The following SWT1 variants were observed in gnomAD, a reference collection of about 807,000 sequenced individuals.
SWT1 encodes the protein transcriptional protein SWT1.
A neutral mutation model predicts 107.3 loss-of-function variants in SWT1; 33 were observed. That is an observed-to-expected ratio of 0.31 (90% CI 0.23 to 0.41). SWT1 has a LOEUF of 0.41. SWT1 is among the 10% of genes least tolerant of loss of function. SWT1 has a pLI of 1.00. For synonymous variants in SWT1, 345 were observed against 348.3 expected, an observed-to-expected ratio of 0.99 and a Z score of 0.11; for missense variants, 898 against 1,028.9, an observed-to-expected ratio of 0.87 and a Z score of 1.74.
At chr1:185,284,465 A>G (rs145817917) in intron 18 of SWT1, among the ~76,000 whole-genome samples, 68 of 152,346 alleles carry the variant, frequency 4.5e-4, no homozygotes, top group African/African-American at 1.6e-3. Context: ...ACCTAAAAGG[A>G]AGAGTTGAGG....
intron 16 of SWT1, among the ~76,000 whole-genome samples, chr1:185,251,635 T>A (rs892715527): frequency 3.3e-5 from 5 of 152,132 alleles, no homozygotes; most frequent in African/African-American, 1.2e-4. Context: ...GTTTGTTTTG[T>A]CATATATTAA....
chr1:185,190,916 T>C (rs1656897919), intron 10 of SWT1, among the ~76,000 whole-genome samples: 1 of 152,150 alleles, frequency 6.6e-6, no homozygotes, highest in South Asian at 2.1e-4. Context: ...CCCTCCAAAA[T>C]TGTTTAAAAA....
intron 4 of SWT1, among the ~76,000 whole-genome samples, chr1:185,170,399 A>G (rs1654946522): frequency 6.6e-6 from 1 of 152,214 alleles, no homozygotes; most frequent in South Asian, 2.1e-4. Flanking sequence ...CACTGTTTGT[A>G]CAATGACTTC....
chr1:185,217,555 T>C (rs1659315510), intron 14 of SWT1, among the ~76,000 whole-genome samples: 1 of 152,052 alleles, frequency 6.6e-6, no homozygotes, highest in Non-Finnish European at 1.5e-5. Flanking sequence ...TTCTACATTA[T>C]GGTGAGTTGT....
At chr1:185,256,450 T>G (rs1287264105) in intron 16 of SWT1, among the ~76,000 whole-genome samples, 1 of 151,642 alleles carries the variant, frequency 6.6e-6, no homozygotes, top group Non-Finnish European at 1.5e-5. Flanking sequence ...TTTCACATAG[T>G]CCCATATTTC....
intron 15 of SWT1, among the ~76,000 whole-genome samples, chr1:185,229,092 C>T (rs1011555754): frequency 2.6e-5 from 4 of 151,940 alleles, no homozygotes; most frequent in Non-Finnish European, 5.9e-5. Context: ...ATCAGGCCTG[C>T]GTTTTAAAAA....
At chr1:185,178,087 T>G (rs1655716350) in intron 5 of SWT1, among the ~76,000 whole-genome samples, 1 of 152,176 alleles carries the variant, frequency 6.6e-6, no homozygotes, top group Admixed American at 6.5e-5. Context: ...GGTGTGATGT[T>G]AGTATAAATC....
chr1:185,226,901 C>G (rs1055874262), intron 15 of SWT1: 4 of 1,319,986 alleles, frequency 3.0e-6, no homozygotes, highest in Non-Finnish European at 4.2e-6. Context: ...TGGGACAGTT[C>G]CACCTCTTCT....
At chr1:185,195,000 TTTATTA>T (rs1020989114) in intron 10 of SWT1, among the ~76,000 whole-genome samples, 1 of 151,922 alleles carries the variant, frequency 6.6e-6, no homozygotes, top group African/African-American at 2.4e-5. Context: ...TAACTTTCTT[TTTATTA>T]TTATTATTAT....
At chr1:185,203,412 A>G (rs1270958749) in intron 11 of SWT1, among the ~76,000 whole-genome samples, 1 of 152,050 alleles carries the variant, frequency 6.6e-6, no homozygotes, top group Non-Finnish European at 1.5e-5. Context: ...TCACCTGAGG[A>G]GTTCGAGACC....
chr1:185,217,335 A>G (rs1659297859), intron 14 of SWT1, among the ~76,000 whole-genome samples: 2 of 152,226 alleles, frequency 1.3e-5, no homozygotes. Flanking sequence ...CTGTATTTAC[A>G]GTTGCTCCCC....
intron 15 of SWT1, among the ~76,000 whole-genome samples, chr1:185,225,640 G>T (rs191953101): frequency 6.6e-6 from 1 of 152,186 alleles, no homozygotes; most frequent in Admixed American, 6.5e-5. Context: ...GTAATATCCT[G>T]TACAGATTTG....
chr1:185,257,070 G>T lies in SWT1; in HGVS notation c.2442-14253G>T, dbSNP rs547186719. Among the ~76,000 whole-genome samples, 11 of 152,204 alleles carry T rather than the reference G, an allele frequency of 7.2e-5. No individual in the cohort carries two copies. In the South Asian group the frequency reaches 2.3e-3, roughly 32 times the overall value. On this transcript the variant is annotated intron_variant, in intron 16 of 18. Transcript: ENST00000367500. ...AGGTGTCAGTGTGCCCCTGCTGGGG[G>T]GTGCCTCCCAGTTAGGCTGCTCGGG...
Position 185,181,597 on chromosome 1 carries a change from G to C in SWT1, c.1027-349G>C, listed in dbSNP as rs1364502480. On this transcript the variant is annotated intron_variant, in intron 6 of 18. Coordinates refer to ENST00000367500, the MANE Select transcript of SWT1 (RefSeq NM_017673.7). ...GAGAATGAACTTACTTTAATGTCTA[G>C]GTATTTGGCTCTGTGCAAGGAGCTT... is the stretch of plus-strand genomic sequence containing the variant. Among the ~76,000 whole-genome samples the C allele has an allele frequency of 9.2e-5, 14 of 152,216 alleles. No homozygotes were observed. The East Asian group carries it at 2.3e-3, about 25-fold the overall frequency.
chr1:185,271,380 C>G lies in SWT1; in HGVS notation c.2499C>G (p.Ile833Met). 1 of 1,468,128 alleles carries G rather than the reference C, an allele frequency of 6.8e-7. No homozygotes were observed. Among genetic ancestry groups the G allele is most frequent in the Non-Finnish European group, 9.5e-7 (1 of 1,050,162 alleles). 90.9% of individuals were successfully genotyped at this position (1,468,128 alleles called of 1,614,324 possible). A position where few individuals can be genotyped will look rare whatever the true frequency, so the allele number is the denominator to read the frequency against. The change falls in exon 17 of 19, where the codon ATC becomes ATG. Residue 833 changes from isoleucine (I) to methionine (M), a missense_variant. Coordinates refer to ENST00000367500, the MANE Select transcript of SWT1 (RefSeq NM_017673.7). Reference sequence around the variant, plus strand: ...TTGAGACCCTCTATAACTTCCTAATCAAGTATGAGGTATGGGAAATATTTT... The same window carrying G: ...TTGAGACCCTCTATAACTTCCTAATGAAGTATGAGGTATGGGAAATATTTT... ...QDVETLYNFL[I>M]KYEVNKNVKF... is the part of the protein sequence containing the mutation.
intron 10 of SWT1, among the ~76,000 whole-genome samples, chr1:185,202,307 A>T (rs1490155504): frequency 6.6e-6 from 1 of 152,122 alleles, no homozygotes; most frequent in East Asian, 1.9e-4. Context: ...TTGGATAATC[A>T]CATTCCTGTA....
At chr1:185,172,882 A>G (rs1655196981) in intron 4 of SWT1, among the ~76,000 whole-genome samples, 1 of 151,938 alleles carries the variant, frequency 6.6e-6, no homozygotes, top group Non-Finnish European at 1.5e-5. Flanking sequence ...CGTCTCTACT[A>G]AAATACAAAA....
At chr1:185,176,767 G>A in intron 5 of SWT1, 2 of 743,192 alleles carry the variant, frequency 2.7e-6, no homozygotes, top group Non-Finnish European at 3.3e-6. Context: ...GGCGGATCAC[G>A]AGGTCAGGAG....
At chr1:185,198,187 C>T (rs535092426) in intron 10 of SWT1, among the ~76,000 whole-genome samples, 5 of 152,192 alleles carry the variant, frequency 3.3e-5, no homozygotes, top group South Asian at 2.1e-4. Context: ...GCCTTCATTT[C>T]GTTATTTACT....
Sources: allele counts gnomAD v4.1 joint callset (sites outside exome capture counted in the v4.1 genomes callset), GRCh38; gene constraint gnomAD v4.1.1; transcripts MANE v1.5; gene names NCBI Gene and HGNC (gene_info 2026-07-23, HGNC 2026-07-21).